Variants in DYNC2I1 observed in about 807,000 individuals in gnomAD.
DYNC2I1 encodes dynein 2 intermediate chain 1.
DYNC2I1 carries 89 observed loss-of-function variants against 133.4 expected under a neutral mutation model. That is an observed-to-expected ratio of 0.67 (90% confidence interval 0.56 to 0.80). The LOEUF (loss-of-function observed/expected upper bound fraction) is 0.80, where lower values mean the gene tolerates loss of function less well. Ranked by LOEUF, DYNC2I1 falls within the 30% of genes least tolerant of loss-of-function variation. The pLI is 0.00. For missense variants in DYNC2I1, 1,291 were observed against 1,314.5 expected (o/e 0.98, Z 0.28); for synonymous variants, 504 against 484.3 (o/e 1.04, Z -0.54).
intron 4 of DYNC2I1, among the ~76,000 whole-genome samples, chr7:158,878,955 A>G (rs1407358666): frequency 7.9e-6 from 1 of 127,114 alleles, no homozygotes; most frequent in East Asian, 2.6e-4. Flanking sequence ...AGGGGAGGCC[A>G]GGAGGACTGA....
rs375915725 is a variant in DYNC2I1 at position 158,895,184 on chromosome 7, G to T, written c.1059+3851G>T. ...CAGCTTATCAATTTTTTCTTTCATGGATTATGCTTTTGGTGTTGTATCTAA... is the reference window on the plus strand; with the variant it reads ...CAGCTTATCAATTTTTTCTTTCATGTATTATGCTTTTGGTGTTGTATCTAA... On this transcript the variant is annotated intron_variant, in intron 8 of 24. Transcript: ENST00000407559. Among the ~76,000 whole-genome samples, 23 of 152,124 alleles carry T rather than the reference G, an allele frequency of 1.5e-4. No individual in the cohort carries two copies. In the East Asian group the frequency reaches 3.9e-3, roughly 26 times the overall value.
chr7:158,923,605 T>G lies in DYNC2I1; in HGVS notation c.2129T>G (p.Phe710Cys), dbSNP rs1445854004. Reference protein sequence around the residue: ...TCCCLSPLKAFLLFAGTAHGS... With the variant: ...TCCCLSPLKACLLFAGTAHGS... ...TGCTGCTTGAGCCCTTTGAAAGCATTTTTACTGTTTGCCGGAACAGCGCAC... is the reference window on the plus strand; with the variant it reads ...TGCTGCTTGAGCCCTTTGAAAGCATGTTTACTGTTTGCCGGAACAGCGCAC... The change falls in exon 17 of 25, where the codon TTT (phenylalanine) becomes TGT (cysteine). Residue 710 changes from phenylalanine (F) to cysteine (C), a missense_variant. Phe to Cys is a radical substitution (Grantham distance 205). Coordinates refer to ENST00000407559, the MANE Select transcript of DYNC2I1 (RefSeq NM_018051.5). 1 of 1,614,014 alleles carries G rather than the reference T, an allele frequency of 6.2e-7. No individual in the cohort carries two copies. Among genetic ancestry groups the G allele is most frequent in the Admixed American group, 1.7e-5 (1 of 60,014 alleles).
chr7:158,882,395 G>T (rs1844123006), intron 5 of DYNC2I1, among the ~76,000 whole-genome samples: 1 of 151,834 alleles, frequency 6.6e-6, no homozygotes, highest in African/African-American at 2.4e-5. Flanking sequence ...ACCAGCCTGA[G>T]AAATATAGTG....
intron 4 of DYNC2I1, among the ~76,000 whole-genome samples, chr7:158,953,663 T>C (rs1329369472): frequency 1.3e-5 from 2 of 152,128 alleles, no homozygotes; most frequent in Non-Finnish European, 2.9e-5. Flanking sequence ...GGTAGGAGAA[T>C]GGCTTGAGCT....
chr7:158,879,855 T>C lies in DYNC2I1; in HGVS notation c.745T>C (p.Ser249Pro). The C allele has an allele frequency of 6.2e-7, 1 of 1,612,270 alleles. No homozygotes were observed. The highest frequency in any genetic ancestry group is 8.5e-7 in the Non-Finnish European group (1 of 1,179,438). Residue 249 changes from serine to proline, a missense_variant, in exon 5 of 25, where the codon TCT becomes CCT. Coordinates refer to ENST00000407559, the MANE Select transcript of DYNC2I1 (RefSeq NM_018051.5). Reference protein sequence around the residue: ...KYSKEKSNSFSDKGEERHKEK... With the variant: ...KYSKEKSNSFPDKGEERHKEK... Reference sequence around the variant, plus strand: ...TTCCAAAGAGAAAAGTAATTCATTCTCTGACAAAGGGGAAGAAAGACATAA... The same window carrying C: ...TTCCAAAGAGAAAAGTAATTCATTCCCTGACAAAGGGGAAGAAAGACATAA...
chr7:158,916,572 A>G (rs549630671), intron 14 of DYNC2I1, among the ~76,000 whole-genome samples: 139 of 55,454 alleles, frequency 2.5e-3, no homozygotes, highest in Non-Finnish European at 6.2e-4. Context: ...GCTGGTTGAC[A>G]TTAAGGATGA....
At chr7:158,891,118 C>A in intron 7 of DYNC2I1, 147 bp from the exon 8 acceptor site, 2 of 791,902 alleles carry the variant, frequency 2.5e-6, no homozygotes, top group South Asian at 1.6e-5. Context: ...CTGGGACCTG[C>A]ATCCCAGAGC....
At chr7:158,843,412 C>T in the DYNC2I1 span, among the ~76,000 whole-genome samples, 1 of 152,130 alleles carries the variant, frequency 6.6e-6, no homozygotes, top group East Asian at 1.9e-4. Flanking sequence ...AGACACCCAC[C>T]ACAACGCCTA....
At chr7:158,867,888 C>G (rs995900875) in intron 1 of DYNC2I1, among the ~76,000 whole-genome samples, 2 of 152,156 alleles carry the variant, frequency 1.3e-5, no homozygotes, top group African/African-American at 4.8e-5. Flanking sequence ...CCACCCCGTC[C>G]TCCTCATCAG....
At chr7:158,860,564 T>C (rs1424854723) in intron 1 of DYNC2I1, among the ~76,000 whole-genome samples, 2 of 152,190 alleles carry the variant, frequency 1.3e-5, no homozygotes, top group Non-Finnish European at 2.9e-5. Flanking sequence ...TGGTGACAAT[T>C]TTCTTTAATA....
chr7:158,885,119 G>A (rs1844462678), intron 6 of DYNC2I1, among the ~76,000 whole-genome samples: 1 of 152,106 alleles, frequency 6.6e-6, no homozygotes, highest in Admixed American at 6.6e-5. Flanking sequence ...GGACGTGCCG[G>A]CGAGTCCCCC....
chr7:158,841,565 G>T, the DYNC2I1 span, among the ~76,000 whole-genome samples: 2 of 151,788 alleles, frequency 1.3e-5, no homozygotes, highest in South Asian at 4.2e-4. Flanking sequence ...CACTTCCTAG[G>T]GTATCAAATG....
chr7:158,914,104 A>T, intron 13 of DYNC2I1, 129 bp from the exon 14 acceptor site: 1 of 658,970 alleles, frequency 1.5e-6, no homozygotes, highest in Non-Finnish European at 2.5e-6. Flanking sequence ...GTATAGCTTG[A>T]AGTTTTCTGT....
intron 8 of DYNC2I1, among the ~76,000 whole-genome samples, chr7:158,897,082 C>G (rs1381188588): frequency 6.6e-6 from 1 of 150,540 alleles, no homozygotes; most frequent in Non-Finnish European, 1.5e-5. Context: ...CTCCTGGGTT[C>G]AAGCAGTTCT....
At chr7:158,958,455 A>C (rs1225631087), downstream of DYNC2I1, among the ~76,000 whole-genome samples, 2 of 152,194 alleles carry the variant, frequency 1.3e-5, no homozygotes, top group Non-Finnish European at 2.9e-5. Context: ...CCCCCGGGCC[A>C]CTGCGGAGCA....
chr7:158,887,921 C>T (rs141400267), intron 7 of DYNC2I1, among the ~76,000 whole-genome samples: 9 of 152,110 alleles, frequency 5.9e-5, no homozygotes, highest in Non-Finnish European at 8.8e-5. Flanking sequence ...ATTATCTTCA[C>T]TGTCTCCATT....
intron 4 of DYNC2I1, among the ~76,000 whole-genome samples, chr7:158,879,447 G>A (rs1427061572): frequency 6.6e-6 from 1 of 151,974 alleles, no homozygotes. Flanking sequence ...GCTTTAAATC[G>A]TCTCTATATT....
At chr7:158,918,977 A>G in intron 15 of DYNC2I1, 108 bp downstream of exon 15, 1 of 1,225,160 alleles carries the variant, frequency 8.2e-7, no homozygotes, top group East Asian at 2.6e-5. Flanking sequence ...GGTTTAATGT[A>G]CATAAAACTG....
intron 1 of DYNC2I1, among the ~76,000 whole-genome samples, chr7:158,860,181 A>G (rs1262291938): frequency 6.6e-6 from 1 of 151,738 alleles, no homozygotes; most frequent in Admixed American, 6.6e-5. Context: ...TCAGCCTCGC[A>G]AGTAGCTGAG....
Sources: allele counts gnomAD v4.1 joint callset (sites outside exome capture counted in the v4.1 genomes callset), GRCh38; gene constraint gnomAD v4.1.1; transcripts MANE v1.5; gene names NCBI Gene and HGNC (gene_info 2026-07-23, HGNC 2026-07-21).